The following RC3H1 variants were observed in gnomAD, a reference collection of about 807,000 sequenced individuals.
RC3H1 encodes roquin-1.
Under a neutral mutation model 138.2 loss-of-function variants are expected in RC3H1, and 50 were observed. The ratio of observed to expected loss-of-function variants is 0.36; its 90% CI spans 0.29 to 0.46. The LOEUF is 0.46. Ranked by LOEUF, RC3H1 falls within the 20% of genes least tolerant of loss-of-function variation. RC3H1 has a pLI of 1.00. For missense variants in RC3H1, 1,031 were observed against 1,388.1 expected (o/e 0.74, Z 4.09); for synonymous variants, 462 against 489.1 (o/e 0.94, Z 0.73).
chr1:173,990,204 T>G (rs74749377), intron 2 of RC3H1, among the ~76,000 whole-genome samples: 1,775 of 151,122 alleles, frequency 0.012, 44 homozygotes, highest in African/African-American at 0.041. Flanking sequence ...CAGCCCCGAG[T>G]AGCTGGGATT....
At position 173,946,728 on chromosome 1, in the gene RC3H1, A is replaced by G; in HGVS notation, c.2828+18T>C. On this transcript the variant is annotated intron_variant, in intron 16 of 19. Coordinates refer to ENST00000367696, the MANE Select transcript of RC3H1 (RefSeq NM_172071.4). Reference sequence around the variant, plus strand: ...AAGGTTTCTACATGTTTGTTCAAGTAAAAAGAATGACTCATACCTCTCACT... The same window carrying G: ...AAGGTTTCTACATGTTTGTTCAAGTGAAAAGAATGACTCATACCTCTCACT... The G allele has an allele frequency of 6.2e-7, 1 of 1,608,232 alleles. No individual in the cohort carries two copies. The highest frequency in any genetic ancestry group is 1.1e-5 in the South Asian group (1 of 90,648).
intron 17 of RC3H1, among the ~76,000 whole-genome samples, chr1:173,945,270 C>T (rs1028952334): frequency 4.6e-5 from 7 of 152,050 alleles, no homozygotes; most frequent in African/African-American, 4.8e-5. Context: ...AGACTACAGG[C>T]GTGCACTACC....
Position 173,935,324 on chromosome 1 carries a change from T to C in RC3H1, c.*3397A>G, listed in dbSNP as rs1463480598. 21 of 152,088 alleles carry C rather than the reference T, an allele frequency of 1.4e-4. 1 individual carries two copies. Among genetic ancestry groups the C allele is most frequent in the Admixed American group, 1.4e-3 (21 of 15,278 alleles). The allele number at this position is 152,088 out of a possible 1,614,324, so 9.4% of individuals were successfully genotyped here. A position where few individuals can be genotyped will look rare whatever the true frequency, so the allele number is the denominator to read the frequency against. On this transcript the variant is annotated 3_prime_UTR_variant, in exon 20 of 20. Coordinates refer to ENST00000367696, the MANE Select transcript of RC3H1 (RefSeq NM_172071.4). The stretch of plus-strand genomic sequence containing the variant: ...TCTTCTACCCTTTCCTAGCGACTCC[T>C]TGAAAAAAGAGTAAGTCAAAATACT...
intron 6 of RC3H1, among the ~76,000 whole-genome samples, chr1:173,979,270 T>A (rs988315059): frequency 6.6e-6 from 1 of 152,198 alleles, no homozygotes; most frequent in Non-Finnish European, 1.5e-5. Context: ...GCGTGTGATA[T>A]GAGAAAATTA....
chr1:173,992,935 G>A lies in RC3H1; in HGVS notation c.51C>T (p.Cys17=), dbSNP rs762885150. ...QWTDFLSCPI[C]TQTFDETIRK... is the part of the protein sequence containing the mutation. ...GAATTGTTTCGTCGAAAGTCTGAGT[G>A]CAAATTGGGCAGGAGAGGAAATCCG... Residue 17 remains cysteine, a synonymous_variant, in exon 2 of 20, where the codon TGC becomes TGT. Coordinates refer to ENST00000367696, the MANE Select transcript of RC3H1 (RefSeq NM_172071.4). 2.5e-6 allele frequency: 4 copies of A among 1,614,084 alleles called. No individual in the cohort carries two copies. The highest frequency in any genetic ancestry group is 3.4e-6 in the Non-Finnish European group (4 of 1,180,018).
chr1:173,966,931 T>A (rs145475914), intron 9 of RC3H1, among the ~76,000 whole-genome samples: 1 of 152,172 alleles, frequency 6.6e-6, no homozygotes. Context: ...TTTGCAGCAG[T>A]TGAGTCATAT....
At chr1:173,990,327 C>A (rs1571229548) in intron 2 of RC3H1, among the ~76,000 whole-genome samples, 1 of 151,976 alleles carries the variant, frequency 6.6e-6, no homozygotes, top group South Asian at 2.1e-4. Context: ...GATCTGCTAG[C>A]CTCGGCCTCC....
intron 5 of RC3H1, 87 bp downstream of exon 5, chr1:173,982,640 A>T (rs990142828): frequency 8.3e-7 from 1 of 1,199,488 alleles, no homozygotes; most frequent in Non-Finnish European, 1.1e-6. Flanking sequence ...AGATACAGGC[A>T]ACTTTATTAA....
At chr1:174,018,452 C>T (rs1393223569) in intron 1 of RC3H1, among the ~76,000 whole-genome samples, 1 of 152,064 alleles carries the variant, frequency 6.6e-6, no homozygotes, top group Non-Finnish European at 1.5e-5. Context: ...GGATGTAGGG[C>T]AACATTACTT....
Position 173,946,854 on chromosome 1 carries a change from A to C in RC3H1, c.2738-18T>G. On this transcript the variant is annotated intron_variant, in intron 15 of 19. Transcript: ENST00000367696. ...ACTATAATCTGTAAGAGAATGATTT[A>C]TTATGGTATAATTCACAGATTTGAT... 3 of 1,483,128 alleles carry C rather than the reference A, an allele frequency of 2.0e-6. No homozygotes were observed. The highest frequency in any genetic ancestry group is 2.8e-6 in the Non-Finnish European group (3 of 1,060,980). The allele number at this position is 1,483,128 out of a possible 1,614,324, so 91.9% of individuals were successfully genotyped here.
At chr1:173,981,324 A>T (rs1175694532) in intron 5 of RC3H1, among the ~76,000 whole-genome samples, 1 of 152,162 alleles carries the variant, frequency 6.6e-6, no homozygotes, top group Non-Finnish European at 1.5e-5. Flanking sequence ...AAATTTTAGA[A>T]TATCTGCATT....
At chr1:173,977,267 G>A (rs781165021) in intron 7 of RC3H1, among the ~76,000 whole-genome samples, 21 of 152,082 alleles carry the variant, frequency 1.4e-4, no homozygotes, top group Non-Finnish European at 2.4e-4. Flanking sequence ...CTGGATTGGA[G>A]GAACTCATAG....
intron 9 of RC3H1, among the ~76,000 whole-genome samples, chr1:173,966,133 C>T (rs1040474307): frequency 6.6e-6 from 1 of 151,858 alleles, no homozygotes. Flanking sequence ...CAGTGAGACC[C>T]TGTTTCAAAA....
intron 13 of RC3H1, among the ~76,000 whole-genome samples, chr1:173,954,631 A>AC (rs1659557099): frequency 6.6e-6 from 1 of 152,168 alleles, no homozygotes; most frequent in Non-Finnish European, 1.5e-5. Flanking sequence ...TCATAAACTG[A>AC]TCTTTATATA....
chr1:174,004,284 T>A (rs571342277), intron 1 of RC3H1, among the ~76,000 whole-genome samples: 7 of 151,672 alleles, frequency 4.6e-5, no homozygotes, highest in East Asian at 1.9e-4. Flanking sequence ...GTTAGTTTTT[T>A]AAAAATTTTT....
intron 2 of RC3H1, among the ~76,000 whole-genome samples, chr1:173,990,916 T>C (rs1490691925): frequency 1.3e-5 from 2 of 152,200 alleles, no homozygotes; most frequent in South Asian, 4.1e-4. Context: ...AAAACTGTTA[T>C]TAACATACTG....
Position 173,992,968 on chromosome 1 carries a change from T to G in RC3H1, c.18A>C (p.Pro6=). The part of the protein sequence containing the change: MPVQA[P]QWTDFLSCPI... ...GGCAGGAGAGGAAATCCGTCCATTG[T>G]GGAGCTTGTACAGGCATTGCTTCTG... Residue 6 remains proline (P), a synonymous_variant, in exon 2 of 20, where the codon CCA becomes CCC. Transcript: ENST00000367696. 6.2e-7 allele frequency: 1 copy of G among 1,613,884 alleles called. No homozygotes were observed. The highest frequency in any genetic ancestry group is 8.5e-7 in the Non-Finnish European group (1 of 1,179,802).
At chr1:173,960,280 ACT>A (rs1238223441) in intron 13 of RC3H1, among the ~76,000 whole-genome samples, 1 of 151,706 alleles carries the variant, frequency 6.6e-6, no homozygotes, top group African/African-American at 2.4e-5. Context: ...ACAGAGTGAG[ACT>A]CTGTCTCAAA....
At chr1:174,005,563 T>C (rs911577433) in intron 1 of RC3H1, among the ~76,000 whole-genome samples, 10 of 152,170 alleles carry the variant, frequency 6.6e-5, no homozygotes, top group African/African-American at 9.6e-5. Flanking sequence ...TTATCTTTTT[T>C]TAGGCTCTAA....
Sources: allele counts gnomAD v4.1 joint callset (sites outside exome capture counted in the v4.1 genomes callset), GRCh38; gene constraint gnomAD v4.1.1; transcripts MANE v1.5; gene names NCBI Gene and HGNC (gene_info 2026-07-23, HGNC 2026-07-21).